Variants in KAZN observed in about 807,000 individuals in gnomAD.
KAZN encodes the protein kazrin.
In KAZN, 40 loss-of-function variants were observed where a neutral mutation model predicts 87.4. The ratio of observed to expected loss-of-function variants is 0.46; its 90% confidence interval spans 0.36 to 0.60. The LOEUF (loss-of-function observed/expected upper bound fraction) is 0.60. Ranked by LOEUF, KAZN falls within the 20% of genes least tolerant of loss-of-function variation. The probability of loss-of-function intolerance (pLI) is 0.00; values close to 1 mark genes in which losing one functional copy is unlikely to be tolerated. For missense variants in KAZN, 898 were observed against 1,073.9 expected (o/e 0.84, Z 2.29); for synonymous variants, 466 against 458.3 (o/e 1.02, Z -0.22).
In KAZN at chr1:14,795,327, T is replaced by A. The variant is rs1430325531; in HGVS notation, c.227-165357T>A. 2.0e-5 allele frequency among the ~76,000 whole-genome samples: 3 copies of A among 152,244 alleles called. No homozygotes were observed. The East Asian group carries it at 5.8e-4, about 29-fold the overall frequency. On this transcript the variant is annotated intron_variant, in intron 1 of 14. Transcript: ENST00000376030. Reference sequence around the variant, plus strand: ...CCCTGTAAGGGGTGTGCAGATGGACTCCACAGAGAGCACAACACGGGGTCT... The same window carrying A: ...CCCTGTAAGGGGTGTGCAGATGGACACCACAGAGAGCACAACACGGGGTCT...
chr1:14,863,717 G>A (rs1651128105), intron 1 of KAZN, among the ~76,000 whole-genome samples: 2 of 152,164 alleles, frequency 1.3e-5, no homozygotes, highest in South Asian at 4.2e-4. Flanking sequence ...ATGGGAGAGG[G>A]AATAATGAAC....
At chr1:14,276,734 C>T (rs1293802340) in intron 2 of KAZN, among the ~76,000 whole-genome samples, 2 of 152,192 alleles carry the variant, frequency 1.3e-5, no homozygotes, top group Non-Finnish European at 2.9e-5. Flanking sequence ...AATTTGATCA[C>T]TTGCAAAGAC....
At chr1:13,949,271 T>C (rs895165960) in intron 1 of KAZN, among the ~76,000 whole-genome samples, 1 of 152,086 alleles carries the variant, frequency 6.6e-6, no homozygotes, top group Non-Finnish European at 1.5e-5. Flanking sequence ...AAAGTGGCGT[T>C]TTGTTACTGA....
chr1:14,210,035 TG>T (rs1278407498), intron 2 of KAZN, among the ~76,000 whole-genome samples: 1 of 152,178 alleles, frequency 6.6e-6, no homozygotes, highest in Non-Finnish European at 1.5e-5. Context: ...AGGCCAGCGG[TG>T]GTGCTGGTTT....
chr1:14,663,710 C>T (rs913797088), intron 1 of KAZN, among the ~76,000 whole-genome samples: 7 of 152,110 alleles, frequency 4.6e-5, no homozygotes, highest in Admixed American at 1.3e-4. Flanking sequence ...CTTTGTGCAC[C>T]GTTGGTGGGA....
chr1:14,902,535 C>G (rs1354278987), intron 1 of KAZN, among the ~76,000 whole-genome samples: 2 of 152,002 alleles, frequency 1.3e-5, no homozygotes, highest in African/African-American at 4.8e-5. Flanking sequence ...GCCAGAACTG[C>G]AATTTTTTTA....
At chr1:14,736,536 C>T (rs1643914423) in intron 1 of KAZN, among the ~76,000 whole-genome samples, 1 of 147,796 alleles carries the variant, frequency 6.8e-6, no homozygotes, top group African/African-American at 2.5e-5. Flanking sequence ...ATCTCGAACT[C>T]CTCACCTCAG....
chr1:14,020,784 A>C (rs928069451), intron 1 of KAZN, among the ~76,000 whole-genome samples: 1 of 152,222 alleles, frequency 6.6e-6, no homozygotes, highest in Admixed American at 6.5e-5. Flanking sequence ...TGATTTTGCA[A>C]TATCTGGATA....
chr1:14,982,333 C>T (rs535846831), intron 2 of KAZN, among the ~76,000 whole-genome samples: 4 of 145,646 alleles, frequency 2.7e-5, no homozygotes, highest in Non-Finnish European at 3.0e-5. Context: ...TGGATGTGGG[C>T]GGGCTTGGGC....
chr1:14,140,972 G>C (rs926052967), intron 1 of KAZN, among the ~76,000 whole-genome samples: 2 of 152,078 alleles, frequency 1.3e-5, no homozygotes, highest in African/African-American at 4.8e-5. Context: ...TGTGAACAAC[G>C]CTCCGCTCAG....
intron 2 of KAZN, among the ~76,000 whole-genome samples, chr1:14,460,294 G>A (rs900935016): frequency 2.6e-5 from 4 of 152,180 alleles, no homozygotes; most frequent in African/African-American, 9.7e-5. Flanking sequence ...CCACCAAGCT[G>A]CCCCCAAGGC....
At chr1:14,174,284 G>C (rs942525075) in intron 1 of KAZN, among the ~76,000 whole-genome samples, 1 of 152,194 alleles carries the variant, frequency 6.6e-6, no homozygotes, top group African/African-American at 2.4e-5. Context: ...GAGGTGCAGG[G>C]GGTCCACACT....
intron 1 of KAZN, among the ~76,000 whole-genome samples, chr1:13,958,552 C>T (rs1418645836): frequency 3.6e-5 from 5 of 140,094 alleles, no homozygotes; most frequent in Admixed American, 1.5e-4. Flanking sequence ...CCAGCCTGGG[C>T]GACAGAGCCA....
At chr1:15,098,921 C>G (rs373749243) in intron 10 of KAZN, among the ~76,000 whole-genome samples, 1 of 152,214 alleles carries the variant, frequency 6.6e-6, no homozygotes, top group South Asian at 2.1e-4. Flanking sequence ...CCCACCCTGC[C>G]CCCCAGGAGC....
At chr1:14,543,746 A>T (rs77108886) in intron 2 of KAZN, among the ~76,000 whole-genome samples, 2 of 152,262 alleles carry the variant, frequency 1.3e-5, no homozygotes, top group Non-Finnish European at 2.9e-5. Context: ...GTCATTGGAG[A>T]CCACCGTATT....
chr1:14,565,057 T>C (rs1203804214), intron 2 of KAZN, among the ~76,000 whole-genome samples: 1 of 152,058 alleles, frequency 6.6e-6, no homozygotes, highest in Non-Finnish European at 1.5e-5. Flanking sequence ...CAAAAGTGTA[T>C]AAAAAATAAA....
chr1:14,446,823 A>C (rs1667008034), intron 2 of KAZN, among the ~76,000 whole-genome samples: 1 of 152,110 alleles, frequency 6.6e-6, no homozygotes, highest in Admixed American at 6.5e-5. Context: ...CCTGCCTCTA[A>C]GGAAAGATCC....
chr1:15,053,800 G>C (rs569420794), intron 4 of KAZN, among the ~76,000 whole-genome samples: 14 of 152,368 alleles, frequency 9.2e-5, no homozygotes, highest in African/African-American at 3.1e-4. Flanking sequence ...CAGAGCACAG[G>C]TGGTTTTCTC....
intron 4 of KAZN, among the ~76,000 whole-genome samples, chr1:15,047,735 C>T (rs1402466917): frequency 6.6e-6 from 1 of 152,242 alleles, no homozygotes; most frequent in East Asian, 1.9e-4. Flanking sequence ...CGCACCACTG[C>T]ACTCCAGCCT....
Sources: gnomAD v4.1 joint callset for allele counts (sites outside exome capture counted in the v4.1 genomes callset) on GRCh38, gnomAD v4.1.1 for gene constraint, MANE v1.5 for transcripts, NCBI Gene and HGNC (gene_info 2026-07-23, HGNC 2026-07-21) for gene names.